MINDY4: variants seen among roughly 807,000 people sequenced by gnomAD.
MINDY4 encodes MINDY lysine 48 deubiquitinase 4.
Under a neutral mutation model 87.0 loss-of-function variants are expected in MINDY4, and 68 were observed. The ratio of observed to expected loss-of-function variants is 0.78; its 90% confidence interval spans 0.64 to 0.96. MINDY4 has a LOEUF of 0.96. Among genes scored for constraint, MINDY4 ranks in the 40% least tolerant of loss-of-function variants. The pLI, the probability that MINDY4 is intolerant of heterozygous loss-of-function variation, is 0.00. For synonymous variants in MINDY4, 379 were observed against 363.2 expected, an observed-to-expected ratio of 1.04 and a Z score of -0.50; for missense variants, 919 against 928.2, an observed-to-expected ratio of 0.99 and a Z score of 0.13.
At chr7:30,854,495 G>C (rs563984238) in intron 12 of MINDY4, among the ~76,000 whole-genome samples, 1 of 152,226 alleles carries the variant, frequency 6.6e-6, no homozygotes, top group African/African-American at 2.4e-5. Context: ...CGCGACCTCT[G>C]AGACCCCCAC....
chr7:30,872,344 C>T, intron 14 of MINDY4, 38 bp downstream of exon 14: 2 of 1,591,446 alleles, frequency 1.3e-6, no homozygotes, highest in Non-Finnish European at 1.7e-6. Context: ...GTCCTTCCCC[C>T]TCCTCTGTCC....
intron 15 of MINDY4, among the ~76,000 whole-genome samples, chr7:30,876,833 C>T (rs536220472): frequency 2.6e-5 from 4 of 152,230 alleles, no homozygotes; most frequent in East Asian, 1.9e-4. Context: ...AGAACCAGGA[C>T]GCAGAGATTG....
intron 12 of MINDY4, chr7:30,857,598 G>T (rs972118828): frequency 1.9e-5 from 2 of 105,184 alleles, no homozygotes; most frequent in Non-Finnish European, 3.3e-5. Context: ...TCAGCCTCCC[G>T]AGTAGCTGGG....
At chr7:30,827,986 T>A (rs1199717060) in intron 5 of MINDY4, among the ~76,000 whole-genome samples, 1 of 152,240 alleles carries the variant, frequency 6.6e-6, no homozygotes, top group Non-Finnish European at 1.5e-5. Flanking sequence ...GAAATGATTT[T>A]ACTTTAGTTC....
chr7:30,873,553 G>T (rs757700979), intron 14 of MINDY4, among the ~76,000 whole-genome samples: 52 of 152,168 alleles, frequency 3.4e-4, no homozygotes, highest in Non-Finnish European at 6.2e-4. Context: ...GTCTGGGCTG[G>T]GGCCTAAGAT....
chr7:30,842,428 G>A (rs999421593), intron 9 of MINDY4, among the ~76,000 whole-genome samples: 1 of 152,194 alleles, frequency 6.6e-6, no homozygotes, highest in Non-Finnish European at 1.5e-5. Flanking sequence ...CTCCTGACTG[G>A]GTGGAACTTT....
chr7:30,809,380 A>C (rs1270664239), intron 5 of MINDY4, among the ~76,000 whole-genome samples: 1 of 151,046 alleles, frequency 6.6e-6, no homozygotes, highest in Non-Finnish European at 1.5e-5. Flanking sequence ...CCTAAGGAAA[A>C]AAAAAAAAAA....
intron 8 of MINDY4, among the ~76,000 whole-genome samples, 182 bp downstream of exon 8, chr7:30,839,498 G>A (rs1047979552): frequency 3.3e-5 from 5 of 152,210 alleles, no homozygotes; most frequent in African/African-American, 1.2e-4. Flanking sequence ...TGCAGCAAGA[G>A]CTGGGGAATA....
chr7:30,800,983 C>T (rs1787631913), intron 5 of MINDY4, among the ~76,000 whole-genome samples: 2 of 151,592 alleles, frequency 1.3e-5, no homozygotes, highest in South Asian at 4.2e-4. Context: ...TTCACCAGGC[C>T]CTACCAGACC....
At chr7:30,817,343 T>C (rs1788183021) in intron 5 of MINDY4, among the ~76,000 whole-genome samples, 1 of 150,148 alleles carries the variant, frequency 6.7e-6, no homozygotes, top group African/African-American at 2.4e-5. Context: ...AAAGCTTTTC[T>C]TCCATGGAGA....
rs373418944 is a variant in MINDY4 at position 30,850,526 on chromosome 7, A to T, written c.1518A>T (p.Ala506=). Residue 506 remains alanine, a synonymous_variant, in exon 10 of 18, where the codon GCA becomes GCT. Coordinates refer to ENST00000265299, the MANE Select transcript of MINDY4 (RefSeq NM_032222.3). ...CCCTCGCAGACATTGTGTGGCGGGC[A>T]GGGGGCCGAGAGAGAGCCGTTGTTG... The part of the protein sequence containing the change: ...VLALADIVWR[A]GGRERAVVAL... The T allele has an allele frequency of 1.3e-5, 21 of 1,608,694 alleles. No homozygotes were observed. Among genetic ancestry groups the T allele is most frequent in the Non-Finnish European group, 1.8e-5 (21 of 1,177,708 alleles).
At chr7:30,830,517 A>G (rs1459347039) in intron 6 of MINDY4, among the ~76,000 whole-genome samples, 1 of 152,220 alleles carries the variant, frequency 6.6e-6, no homozygotes, top group Non-Finnish European at 1.5e-5. Context: ...CAGAAGGGGA[A>G]GCAAACATGT....
At chr7:30,837,693 C>T (rs1788901893) in intron 7 of MINDY4, among the ~76,000 whole-genome samples, 1 of 152,184 alleles carries the variant, frequency 6.6e-6, no homozygotes, top group Admixed American at 6.5e-5. Flanking sequence ...GGGGCAGACC[C>T]CTCAGGCTCC....
At chr7:30,838,644 G>A (rs2128566656) in intron 7 of MINDY4, among the ~76,000 whole-genome samples, 1 of 152,232 alleles carries the variant, frequency 6.6e-6, no homozygotes, top group East Asian at 1.9e-4. Flanking sequence ...TTTGGCCTGT[G>A]GGTCACAGTT....
rs1265138113 is a variant in MINDY4, at chr7:30,859,285, T to TGCTCACCCTTTC, written c.1707_1718dup (p.Leu570_Ser573dup). The TGCTCACCCTTTC allele has an allele frequency of 6.2e-7, 1 of 1,614,084 alleles. No homozygotes were observed. The highest frequency in any genetic ancestry group is 8.5e-7 in the Non-Finnish European group (1 of 1,180,048). On this transcript the variant is annotated inframe_insertion, in exon 13 of 18. Coordinates refer to ENST00000265299, the MANE Select transcript of MINDY4 (RefSeq NM_032222.3). The stretch of plus-strand genomic sequence containing the variant: ...GAAGTGGGCCCCTATGGCTGCATCC[T>TGCTCACCCTTTC]GCTCACCCTTTCTGCCATCCTGTCC...
At chr7:30,872,459 C>T (rs971023925) in intron 14 of MINDY4, among the ~76,000 whole-genome samples, 153 bp downstream of exon 14, 1 of 152,228 alleles carries the variant, frequency 6.6e-6, no homozygotes, top group South Asian at 2.1e-4. Flanking sequence ...CCCACCTCTG[C>T]TGGGTTTCAC....
At chr7:30,774,394 C>T (rs867307769) in intron 1 of MINDY4, among the ~76,000 whole-genome samples, 3 of 152,144 alleles carry the variant, frequency 2.0e-5, no homozygotes, top group South Asian at 2.1e-4. Context: ...TCAGGGATGT[C>T]GCTGTCTCCT....
At chr7:30,806,657 T>A (rs992056437) in intron 5 of MINDY4, among the ~76,000 whole-genome samples, 1 of 152,268 alleles carries the variant, frequency 6.6e-6, no homozygotes, top group Non-Finnish European at 1.5e-5. Flanking sequence ...GTCTTTCCCC[T>A]GGGGTCAGGC....
At chr7:30,810,215 T>C (rs1026163163) in intron 5 of MINDY4, among the ~76,000 whole-genome samples, 1 of 137,120 alleles carries the variant, frequency 7.3e-6, no homozygotes, top group African/African-American at 2.8e-5. Flanking sequence ...TTATAATAAG[T>C]CAGAAAGTTG....
Sources: allele counts gnomAD v4.1 joint callset (sites outside exome capture counted in the v4.1 genomes callset), GRCh38; gene constraint gnomAD v4.1.1; transcripts MANE v1.5; gene names NCBI Gene and HGNC (gene_info 2026-07-23, HGNC 2026-07-21).